The following HDAC11 variants were observed in gnomAD, a reference collection of about 807,000 sequenced individuals.
The protein encoded by HDAC11 is histone deacetylase 11.
A neutral mutation model predicts 41.1 loss-of-function variants in HDAC11; 23 were observed. That is an observed-to-expected ratio of 0.56 (90% CI 0.40 to 0.79). The LOEUF (loss-of-function observed/expected upper bound fraction) is 0.79, where lower values mean the gene tolerates loss of function less well. HDAC11 is among the 30% of genes least tolerant of loss of function. The probability of loss-of-function intolerance (pLI) is 0.00; values close to 1 mark genes in which losing one functional copy is unlikely to be tolerated. For synonymous variants in HDAC11, 187 were observed against 186.6 expected (o/e 1.00, Z -0.02); for missense variants, 402 against 477.3 (o/e 0.84, Z 1.47).
Position 13,501,496 on chromosome 3 carries a change from G to T in HDAC11, c.490-375G>T, listed in dbSNP as rs1039505863. 6 of 402,576 alleles carry T rather than the reference G, an allele frequency of 1.5e-5. No homozygotes were observed. The East Asian group carries it at 3.8e-4, about 25-fold the overall frequency. The allele number at this position is 402,576 out of a possible 1,614,324, so 24.9% of individuals were successfully genotyped here. A position where few individuals can be genotyped will look rare whatever the true frequency, so the allele number is the denominator to read the frequency against. The stretch of plus-strand genomic sequence containing the variant: ...GGGCATTTAGGACTTGGCCTTGTAG[G>T]ATAAGGCAGAGGTTGGGGACTGAAG... On this transcript the variant is annotated intron_variant, in intron 6 of 9. Transcript: ENST00000295757.
chr3:13,499,218 G>A (rs1348920300), intron 5 of HDAC11, among the ~76,000 whole-genome samples: 2 of 152,176 alleles, frequency 1.3e-5, no homozygotes, highest in African/African-American at 4.8e-5. Context: ...TGCCCAGGCT[G>A]GAGTGCAATG....
intron 3 of HDAC11, among the ~76,000 whole-genome samples, chr3:13,496,019 G>T (rs1702080342): frequency 6.6e-6 from 1 of 152,256 alleles, no homozygotes; most frequent in Admixed American, 6.5e-5. Context: ...CCTCGCGTGG[G>T]TGGGGAGCAG....
chr3:13,501,680 C>T (rs1381532620), intron 6 of HDAC11, 191 bp from the exon 7 acceptor site: 3 of 716,442 alleles, frequency 4.2e-6, no homozygotes, highest in African/African-American at 1.7e-5. Context: ...CCACCTCCTG[C>T]ATGCACACAT....
chr3:13,498,433 G>A (rs1189538614), intron 4 of HDAC11, 80 bp from the exon 5 acceptor site: 2 of 1,555,134 alleles, frequency 1.3e-6, no homozygotes, highest in African/African-American at 2.7e-5. Flanking sequence ...CAGTGTTTAT[G>A]GAATGAGTGC....
intron 4 of HDAC11, among the ~76,000 whole-genome samples, chr3:13,497,780 A>C (rs549148236): frequency 6.6e-6 from 1 of 151,688 alleles, no homozygotes; most frequent in African/African-American, 2.4e-5. Context: ...GCTTAGTAGA[A>C]TATTACTGCC....
chr3:13,496,716 G>T lies in HDAC11; in HGVS notation c.253-20G>T. On this transcript the variant is annotated intron_variant, in intron 3 of 9. Coordinates refer to ENST00000295757, the MANE Select transcript of HDAC11 (RefSeq NM_024827.4). Reference sequence around the variant, plus strand: ...CAGGGTGGGGAAGCGGAGGCCAACAGCCCCTGTCTTTTTCCGCAGTGGTCC... The same window carrying T: ...CAGGGTGGGGAAGCGGAGGCCAACATCCCCTGTCTTTTTCCGCAGTGGTCC... 1 of 1,535,566 alleles carries T rather than the reference G, an allele frequency of 6.5e-7. No individual in the cohort carries two copies. Among genetic ancestry groups the T allele is most frequent in the Non-Finnish European group, 8.9e-7 (1 of 1,119,022 alleles).
At chr3:13,492,906 G>C (rs993832713) in intron 3 of HDAC11, among the ~76,000 whole-genome samples, 2 of 152,182 alleles carry the variant, frequency 1.3e-5, no homozygotes, top group Admixed American at 6.5e-5. Context: ...CCACCTCTAA[G>C]TCCTCATCCA....
rs12107324 is a variant in HDAC11 at position 13,495,486 on chromosome 3, C to G, written c.253-1250C>G. On this transcript the variant is annotated intron_variant, in intron 3 of 9. Coordinates refer to ENST00000295757, the MANE Select transcript of HDAC11 (RefSeq NM_024827.4). ...GACACCTGGGCCCTCTACCCCTTGT[C>G]CCTGCATGCTGCCTGCTAATACCTG... Among the ~76,000 whole-genome samples, 214 of 152,282 alleles carry G rather than the reference C, an allele frequency of 1.4e-3. 1 individual carries two copies. Among genetic ancestry groups the G allele is most frequent in the African/African-American group, 4.5e-3 (185 of 41,564 alleles).
chr3:13,504,581 C>G lies in HDAC11; in HGVS notation c.942C>G (p.Asp314Glu). Residue 314 changes from aspartate (D) to glutamate (E), a missense_variant, in exon 10 of 10, where the codon GAC becomes GAG. Transcript: ENST00000295757. ...YQKRTARIIA[D>E]SILNLFGLGL... Reference sequence around the variant, plus strand: ...AGCGCACAGCCCGCATCATTGCTGACTCCATACTTAATCTGTTTGGCCTGG... The same window carrying G: ...AGCGCACAGCCCGCATCATTGCTGAGTCCATACTTAATCTGTTTGGCCTGG... 1.2e-6 allele frequency: 2 copies of G among 1,613,808 alleles called. No individual in the cohort carries two copies. Among genetic ancestry groups the G allele is most frequent in the South Asian group, 1.1e-5 (1 of 91,084 alleles).
rs1422575850 is a variant in HDAC11 at position 13,496,819 on chromosome 3, G to A, written c.336G>A (p.Arg112=). Residue 112 remains arginine (R), a synonymous_variant, in exon 4 of 10, where the codon AGG becomes AGA. Transcript: ENST00000295757. The part of the protein sequence containing the change: ...PNFLVQRKVL[R]PLRTQTGGTI... ...TCCTTGTGCAGAGGAAGGTGCTGAG[G>A]CCCCTTCGGACCCAGACAGGAGGAA... The A allele has an allele frequency of 6.4e-7, 1 of 1,563,320 alleles. No homozygotes were observed. The highest frequency in any genetic ancestry group is 8.7e-7 in the Non-Finnish European group (1 of 1,148,296).
In HDAC11 at chr3:13,480,392, C is replaced by G; in HGVS notation, c.2+43C>G. On this transcript the variant is annotated intron_variant, in intron 1 of 9. Coordinates refer to ENST00000295757, the MANE Select transcript of HDAC11 (RefSeq NM_024827.4). The surrounding 1 kb of genome is among the most constrained non-coding windows in gnomAD (Gnocchi z 4.6). ...AGGGCGGGGGTGGGCTCCCAGGGGT[C>G]CCGGTGGGCGGGCGCGCTAGGGCGA... 2 of 1,162,422 alleles carry G rather than the reference C, an allele frequency of 1.7e-6. No individual in the cohort carries two copies. Among genetic ancestry groups the G allele is most frequent in the Non-Finnish European group, 2.1e-6 (2 of 932,188 alleles). The allele number at this position is 1,162,422 out of a possible 1,614,324, so 72.0% of individuals were successfully genotyped here.
In HDAC11 at chr3:13,498,452, G is replaced by A. The variant is rs989600300; in HGVS notation, c.370-61G>A. ...GTTTATGGAATGAGTGCATGAATCAGTGAATGAATGACTGGTGGATCGGCT... is the reference window on the plus strand; with the variant it reads ...GTTTATGGAATGAGTGCATGAATCAATGAATGAATGACTGGTGGATCGGCT... On this transcript the variant is annotated intron_variant, in intron 4 of 9. Coordinates refer to ENST00000295757, the MANE Select transcript of HDAC11 (RefSeq NM_024827.4). 1.7e-5 allele frequency: 27 copies of A among 1,598,026 alleles called. No homozygotes were observed. The Admixed American group carries it at 4.5e-4, about 27-fold the overall frequency.
At position 13,504,593 on chromosome 3, in the gene HDAC11, T is replaced by C. The variant is rs1702533021; in HGVS notation, c.954T>C (p.Asn318=). The change falls in exon 10 of 10, where the codon AAT becomes AAC. Residue 318 remains asparagine (N), a synonymous_variant. Coordinates refer to ENST00000295757, the MANE Select transcript of HDAC11 (RefSeq NM_024827.4). Reference sequence around the variant, plus strand: ...GCATCATTGCTGACTCCATACTTAATCTGTTTGGCCTGGGGCTCATTGGGC... The same window carrying C: ...GCATCATTGCTGACTCCATACTTAACCTGTTTGGCCTGGGGCTCATTGGGC... ...TARIIADSIL[N]LFGLGLIGPE... 7 of 1,613,776 alleles carry C rather than the reference T, an allele frequency of 4.3e-6. No homozygotes were observed. Among genetic ancestry groups the C allele is most frequent in the Non-Finnish European group, 5.9e-6 (7 of 1,180,030 alleles).
At position 13,504,466 on chromosome 3, in the gene HDAC11, A is replaced by G. The variant is rs1702521921; in HGVS notation, c.829-2A>G. ...TGAGTCACCCTCCTCTTCCCCTAAC[A>G]GGGCATCGTGAAGCGGGATGAGCTG... is the stretch of plus-strand genomic sequence containing the variant. On this transcript the variant is annotated splice_acceptor_variant, in intron 9 of 9. Coordinates refer to ENST00000295757, the MANE Select transcript of HDAC11 (RefSeq NM_024827.4). LOFTEE classifies it high-confidence loss of function. The G allele has an allele frequency of 1.2e-6, 2 of 1,612,966 alleles. No individual in the cohort carries two copies. Among genetic ancestry groups the G allele is most frequent in the Non-Finnish European group, 1.7e-6 (2 of 1,179,972 alleles).
At chr3:13,503,675 G>A (rs1269153398) in intron 8 of HDAC11, among the ~76,000 whole-genome samples, 1 of 152,240 alleles carries the variant, frequency 6.6e-6, no homozygotes, top group Non-Finnish European at 1.5e-5. Flanking sequence ...TGCCACCTTT[G>A]CAGGTAGGGG....
At position 13,494,212 on chromosome 3, in the gene HDAC11, T is replaced by TCCAGTCTGTGTCCCCTGCTGGCTTC. The variant is rs371269535; in HGVS notation, c.253-2519_253-2495dup. On this transcript the variant is annotated intron_variant, in intron 3 of 9. Coordinates refer to ENST00000295757, the MANE Select transcript of HDAC11 (RefSeq NM_024827.4). The stretch of plus-strand genomic sequence containing the variant: ...TGCTGGGCTCTCGGCTGCATTGTCT[T>TCCAGTCTGTGTCCCCTGCTGGCTTC]CCAGTCTGTGTCCCCTGCTGGCTTC... Among the ~76,000 whole-genome samples, 105 of 152,318 alleles carry TCCAGTCTGTGTCCCCTGCTGGCTTC rather than the reference T, an allele frequency of 6.9e-4. 1 individual carries two copies. Among genetic ancestry groups the TCCAGTCTGTGTCCCCTGCTGGCTTC allele is most frequent in the African/African-American group, 2.4e-3 (101 of 41,568 alleles).
intron 3 of HDAC11, among the ~76,000 whole-genome samples, chr3:13,487,926 G>A (rs1204777186): frequency 6.6e-6 from 1 of 152,010 alleles, no homozygotes; most frequent in Non-Finnish European, 1.5e-5. Flanking sequence ...GGGAGAGCTG[G>A]TGAGAGGATG....
Position 13,504,239 on chromosome 3 carries a change from G to T in HDAC11, c.795G>T (p.Gly265=). The part of the protein sequence containing the change: ...VYNAGTDILE[G]DRLGGLSISP... ...ATGCAGGCACCGACATCCTCGAGGG[G>T]GACCGCCTTGGGGGGCTGTCCATCA... The change falls in exon 9 of 10, where the codon GGG becomes GGT. Residue 265 remains glycine (G), a synonymous_variant. Coordinates refer to ENST00000295757, the MANE Select transcript of HDAC11 (RefSeq NM_024827.4). The T allele has an allele frequency of 6.2e-7, 1 of 1,613,594 alleles. No homozygotes were observed. The highest frequency in any genetic ancestry group is 8.5e-7 in the Non-Finnish European group (1 of 1,180,024).
rs1272793866 is a variant in HDAC11 at position 13,480,748 on chromosome 3, G to C, written c.2+399G>C. 26 of 479,610 alleles carry C rather than the reference G, an allele frequency of 5.4e-5. No homozygotes were observed. Among genetic ancestry groups the C allele is most frequent in the Non-Finnish European group, 1.0e-4 (24 of 234,350 alleles). 29.7% of individuals were successfully genotyped at this position (479,610 alleles called of 1,614,324 possible). On this transcript the variant is annotated intron_variant, in intron 1 of 9. Transcript: ENST00000295757. The surrounding 1 kb of genome is among the most constrained non-coding windows in gnomAD (Gnocchi z 4.6). ...GGTTAGCAGCGCAGCGGGGTCAGGGGATCCCCGCCCCCCGCCCTGGCTCAG... is the reference window on the plus strand; with the variant it reads ...GGTTAGCAGCGCAGCGGGGTCAGGGCATCCCCGCCCCCCGCCCTGGCTCAG...
Sources: gnomAD v4.1 joint callset for allele counts (sites outside exome capture counted in the v4.1 genomes callset) on GRCh38, gnomAD v4.1.1 for gene constraint, Gnocchi (gnomAD v3.1) non-coding constraint, MANE v1.5 for transcripts, NCBI Gene and HGNC (gene_info 2026-07-23, HGNC 2026-07-21) for gene names.